Variants in AK1 observed in about 807,000 individuals in gnomAD.
AK1 encodes the protein adenylate kinase 1.
AK1 carries 13 observed loss-of-function variants against 23.9 expected under a neutral mutation model. The ratio of observed to expected loss-of-function variants is 0.54; its 90% CI spans 0.35 to 0.86. The LOEUF (loss-of-function observed/expected upper bound fraction) is 0.86, where lower values mean the gene tolerates loss of function less well. AK1 is among the 40% of genes least tolerant of loss of function. The pLI, the probability that AK1 is intolerant of heterozygous loss-of-function variation, is 0.01. For missense variants in AK1, 214 were observed against 255.1 expected (o/e 0.84, Z 1.10); for synonymous variants, 97 against 102.8 (o/e 0.94, Z 0.34).
chr9:127,873,435 GAGC>G (rs756560200), intron 2 of AK1: 1 of 1,554,544 alleles, frequency 6.4e-7, no homozygotes, highest in Admixed American at 2.0e-5. Context: ...GTCACTCGAG[GAGC>G]AGCAGCCCAT....
intron 1 of AK1, among the ~76,000 whole-genome samples, chr9:127,876,316 T>C (rs1307018044): frequency 2.0e-5 from 3 of 152,212 alleles, no homozygotes; most frequent in African/African-American, 4.8e-5. Context: ...TGACTGGGCC[T>C]GGCATGGGCT....
intron 5 of AK1, among the ~76,000 whole-genome samples, chr9:127,869,995 A>C (rs1196932745): frequency 6.6e-6 from 1 of 152,162 alleles, no homozygotes; most frequent in Non-Finnish European, 1.5e-5. Context: ...CACAACGGGC[A>C]CTGCCAGTCT....
chr9:127,874,601 A>G lies in AK1; in HGVS notation c.7+10T>C, dbSNP rs758543997. The G allele has an allele frequency of 3.1e-6, 5 of 1,613,482 alleles. No individual in the cohort carries two copies. The highest frequency in any genetic ancestry group is 1.7e-6 in the Non-Finnish European group (2 of 1,179,942). On this transcript the variant is annotated intron_variant, in intron 2 of 6. Coordinates refer to ENST00000644144, the MANE Select transcript of AK1 (RefSeq NM_000476.3). ...CCCAGGCAATGGGCAAAAGGAGAGGAGGCTCATACCTTCCATCCTGCCGAG... is the reference window on the plus strand; with the variant it reads ...CCCAGGCAATGGGCAAAAGGAGAGGGGGCTCATACCTTCCATCCTGCCGAG...
In AK1 at chr9:127,866,729, G is replaced by T. The variant is rs1331126718; in HGVS notation, c.*1279C>A. 6.6e-6 allele frequency: 1 copy of T among 152,250 alleles called. No homozygotes were observed. The highest frequency in any genetic ancestry group is 1.5e-5 in the Non-Finnish European group (1 of 68,088). 9.4% of individuals were successfully genotyped at this position (152,250 alleles called of 1,614,324 possible). A position where few individuals can be genotyped will look rare whatever the true frequency, so the allele number is the denominator to read the frequency against. On this transcript the variant is annotated 3_prime_UTR_variant, in exon 7 of 7. Transcript: ENST00000644144. ...TCAAAAAATGAAAGCGCGCAGGAAG[G>T]GTTCTCCCCAGGGGATTCTGGGGTG...
intron 2 of AK1, chr9:127,873,325 AG>A: frequency 6.5e-7 from 1 of 1,539,500 alleles, no homozygotes; most frequent in Non-Finnish European, 8.7e-7. Context: ...CTCTCCACAC[AG>A]CCAGCGGGCT....
In AK1 at chr9:127,877,078, G is replaced by A. The variant is rs1829558275; in HGVS notation, c.-33+545C>T. Reference sequence around the variant, plus strand: ...TCTCTGGGCCTGTCCTGCTGCTGCTGAGGAGTACCAGGCGGCCACTGAGCA... The same window carrying A: ...TCTCTGGGCCTGTCCTGCTGCTGCTAAGGAGTACCAGGCGGCCACTGAGCA... On this transcript the variant is annotated intron_variant, in intron 1 of 6. Transcript: ENST00000644144. The surrounding 1 kb of genome is among the most constrained non-coding windows in gnomAD (Gnocchi z 5.2). Among the ~76,000 whole-genome samples the A allele has an allele frequency of 6.6e-6, 1 of 152,160 alleles. No homozygotes were observed. Among genetic ancestry groups the A allele is most frequent in the African/African-American group, 2.4e-5 (1 of 41,432 alleles).
At chr9:127,874,137 C>T (rs1829484525) in intron 2 of AK1, 2 of 985,340 alleles carry the variant, frequency 2.0e-6, no homozygotes, top group Non-Finnish European at 2.4e-6. Context: ...GTGCTGCCAG[C>T]AGCTGAGGGC....
At chr9:127,872,967 G>T in intron 3 of AK1, 59 bp downstream of exon 3, 1 of 1,613,496 alleles carries the variant, frequency 6.2e-7, no homozygotes, top group Non-Finnish European at 8.5e-7. Flanking sequence ...CCCCAGGCCC[G>T]GGCTCCCTCC....
Position 127,868,093 on chromosome 9 carries a change from C to T in AK1, c.517-17G>A, listed in dbSNP as rs750245032. 8 of 1,613,630 alleles carry T rather than the reference C, an allele frequency of 5.0e-6. No individual in the cohort carries two copies. The East Asian group carries it at 6.7e-5, about 13-fold the overall frequency. On this transcript the variant is annotated splice_polypyrimidine_tract_variant and intron_variant, in intron 6 of 6. Transcript: ENST00000644144. This position sits in a 1 kb window ranked among gnomAD's most constrained non-coding sequence, Gnocchi z 4.1. ...AGCGTTGACCTGTGGGGAGATGGGCCGTGAGGGCTGAGTCACCAGGTGGAG... is the reference window on the plus strand; with the variant it reads ...AGCGTTGACCTGTGGGGAGATGGGCTGTGAGGGCTGAGTCACCAGGTGGAG...
rs765240669 is a variant in AK1 at position 127,874,598 on chromosome 9, A to G, written c.7+13T>C. 3.1e-6 allele frequency: 5 copies of G among 1,613,408 alleles called. No homozygotes were observed. The Admixed American group carries it at 8.3e-5, about 27-fold the overall frequency. ...AGGCCCAGGCAATGGGCAAAAGGAG[A>G]GGAGGCTCATACCTTCCATCCTGCC... On this transcript the variant is annotated intron_variant, in intron 2 of 6. Coordinates refer to ENST00000644144, the MANE Select transcript of AK1 (RefSeq NM_000476.3).
chr9:127,870,351 C>T (rs1204232200), intron 5 of AK1, among the ~76,000 whole-genome samples: 5 of 152,060 alleles, frequency 3.3e-5, no homozygotes, highest in South Asian at 2.1e-4. Flanking sequence ...TACAGGCGCC[C>T]GCCACCATGC....
intron 5 of AK1, among the ~76,000 whole-genome samples, chr9:127,870,990 C>G (rs1588615310): frequency 6.6e-6 from 1 of 151,802 alleles, no homozygotes; most frequent in Non-Finnish European, 1.5e-5. Context: ...TGTGTGTGCA[C>G]AGGGCCATGT....
At position 127,867,453 on chromosome 9, in the gene AK1, C is replaced by G. The variant is rs1347973854; in HGVS notation, c.*555G>C. 6.3e-6 allele frequency: 1 copy of G among 157,964 alleles called. No individual in the cohort carries two copies. Among genetic ancestry groups the G allele is most frequent in the African/African-American group, 2.4e-5 (1 of 41,508 alleles). The allele number at this position is 157,964 out of a possible 1,614,324, so 9.8% of individuals were successfully genotyped here. On this transcript the variant is annotated 3_prime_UTR_variant, in exon 7 of 7. Coordinates refer to ENST00000644144, the MANE Select transcript of AK1 (RefSeq NM_000476.3). ...CAGCTGGCGTGGGCCGCCCCAACTGCCCAGGAAGCCCCACTCAGACCATGA... is the reference window on the plus strand; with the variant it reads ...CAGCTGGCGTGGGCCGCCCCAACTGGCCAGGAAGCCCCACTCAGACCATGA...
chr9:127,868,392 G>A lies in AK1; in HGVS notation c.445C>T (p.Arg149Trp), dbSNP rs147762231. 1.6e-5 allele frequency: 26 copies of A among 1,612,192 alleles called. No homozygotes were observed. The highest frequency in any genetic ancestry group is 2.1e-5 in the Non-Finnish European group (25 of 1,179,360). Residue 149 changes from arginine (R) to tryptophan (W), a missense_variant, in exon 6 of 7, where the codon CGG becomes TGG. Arg to Trp is a moderately radical substitution (Grantham distance 101). Coordinates refer to ENST00000644144, the MANE Select transcript of AK1 (RefSeq NM_000476.3). The surrounding 1 kb of genome is among the most constrained non-coding windows in gnomAD (Gnocchi z 4.1). ...GTGGCCTTGTAATAGGTCTCCAGCC[G>A]CTTTTTGATGGTCTCCTCATTGTCG... is the stretch of plus-strand genomic sequence containing the variant. ...VDDNEETIKK[R>W]LETYYKATEP...
At position 127,868,922 on chromosome 9, in the gene AK1, T is replaced by C. The variant is rs1829317246; in HGVS notation, c.325-410A>G. 6.6e-6 allele frequency among the ~76,000 whole-genome samples: 1 copy of C among 152,118 alleles called. No homozygotes were observed. The highest frequency in any genetic ancestry group is 2.1e-4 in the South Asian group (1 of 4,834). On this transcript the variant is annotated intron_variant, in intron 5 of 6. Transcript: ENST00000644144. The surrounding 1 kb of genome is among the most constrained non-coding windows in gnomAD (Gnocchi z 4.1). ...GCTCACTTCCTCAGGGCAGTCTCTC[T>C]GATGCCACCCCCCGCCCCCCAGTAC...
chr9:127,873,191 G>T, intron 2 of AK1, 130 bp from the exon 3 acceptor site: 1 of 1,541,684 alleles, frequency 6.5e-7, no homozygotes, highest in Non-Finnish European at 8.7e-7. Flanking sequence ...CTGTCAGGGA[G>T]GCAGACAAGT....
Position 127,872,724 on chromosome 9 carries a change from GA to G in AK1, c.172del (p.Ser58ArgfsTer34), listed in dbSNP as rs1829443238. On this transcript the variant is annotated frameshift_variant, in exon 4 of 7. Transcript: ENST00000644144. LOFTEE classifies it high-confidence loss of function. ...SSGSARGKKL[S>X]EIMEKGQLVP... ...CAGCTGCCCCTTCTCCATGATTTCCGACAGCTTCTTGCCCCTGGCCGAGCCT... is the reference window on the plus strand; with the variant it reads ...CAGCTGCCCCTTCTCCATGATTTCCGCAGCTTCTTGCCCCTGGCCGAGCCT... 1 of 1,613,980 alleles carries G rather than the reference GA, an allele frequency of 6.2e-7. No individual in the cohort carries two copies. The highest frequency in any genetic ancestry group is 1.3e-5 in the African/African-American group (1 of 74,910).
In AK1 at chr9:127,872,815, T is replaced by C. The variant is rs753457534; in HGVS notation, c.82A>G (p.Ile28Val). 3 of 1,613,940 alleles carry C rather than the reference T, an allele frequency of 1.9e-6. No individual in the cohort carries two copies. The Admixed American group carries it at 5.0e-5, about 27-fold the overall frequency. Residue 28 changes from isoleucine to valine, a missense_variant, in exon 4 of 7, where the codon ATC (isoleucine) becomes GTC (valine). By Grantham distance (29) the Ile-to-Val change is conservative. Transcript: ENST00000644144. ...GSGKGTQCEK[I>V]VQKYGYTHLS... ...TGGGTGTAGCCATACTTCTGCACGATCTTCTCACACTGGGTGCCCTTCCCT... is the reference window on the plus strand; with the variant it reads ...TGGGTGTAGCCATACTTCTGCACGACCTTCTCACACTGGGTGCCCTTCCCT...
Position 127,868,143 on chromosome 9 carries a change from C to T in AK1, c.517-67G>A, listed in dbSNP as rs1829290520. On this transcript the variant is annotated intron_variant, in intron 6 of 6. Transcript: ENST00000644144. This position sits in a 1 kb window ranked among gnomAD's most constrained non-coding sequence, Gnocchi z 4.1. ...GTGGGGTGGGCCTCACCATGGCAGGCCCCAGAGACCAGGCCTGCCTCCCCG... is the reference window on the plus strand; with the variant it reads ...GTGGGGTGGGCCTCACCATGGCAGGTCCCAGAGACCAGGCCTGCCTCCCCG... The T allele has an allele frequency of 6.4e-7, 1 of 1,571,352 alleles. No homozygotes were observed. The highest frequency in any genetic ancestry group is 1.4e-5 in the African/African-American group (1 of 73,954).
Sources: gnomAD v4.1 joint callset for allele counts (sites outside exome capture counted in the v4.1 genomes callset) on GRCh38, gnomAD v4.1.1 for gene constraint, Gnocchi (gnomAD v3.1) non-coding constraint, MANE v1.5 for transcripts, NCBI Gene and HGNC (gene_info 2026-07-23, HGNC 2026-07-21) for gene names.